ATOSA: variants seen among roughly 807,000 people sequenced by gnomAD.
ATOSA encodes the protein atos homolog A.
the ATOSA span, among the ~76,000 whole-genome samples, chr15:52,693,537 T>C: frequency 6.6e-6 from 1 of 152,160 alleles, no homozygotes; most frequent in Admixed American, 6.5e-5. Context: ...CAACACTGGG[T>C]AGAAAATGTT....
chr15:52,644,044 TAA>T, the ATOSA span, among the ~76,000 whole-genome samples: 1 of 152,230 alleles, frequency 6.6e-6, no homozygotes, highest in African/African-American at 2.4e-5. Flanking sequence ...ATATATCTGT[TAA>T]GTTTATTCAA....
chr15:52,604,928 CTAAT>C, the ATOSA span, among the ~76,000 whole-genome samples: 2 of 151,904 alleles, frequency 1.3e-5, no homozygotes, highest in Non-Finnish European at 2.9e-5. Flanking sequence ...AATTTTATAA[CTAAT>C]AAATTTCATT....
the ATOSA span, among the ~76,000 whole-genome samples, chr15:52,618,828 G>A: frequency 6.6e-6 from 1 of 152,018 alleles, no homozygotes; most frequent in Non-Finnish European, 1.5e-5. Flanking sequence ...GGGATTACAG[G>A]TGTGAGCCAC....
the ATOSA span, among the ~76,000 whole-genome samples, chr15:52,640,078 TA>T: frequency 1.3e-5 from 2 of 151,994 alleles, no homozygotes; most frequent in Non-Finnish European, 2.9e-5. Context: ...TTTTCCTATT[TA>T]ATCTTCATAA....
the ATOSA span, among the ~76,000 whole-genome samples, chr15:52,619,229 T>C: frequency 4.1e-4 from 62 of 152,326 alleles, 1 homozygote; most frequent in East Asian, 6.4e-3. Flanking sequence ...AACAGTTACA[T>C]TGTTATAGAT....
chr15:52,679,756 C>CG, the ATOSA span, among the ~76,000 whole-genome samples: 6 of 6,442 alleles, frequency 9.3e-4, no homozygotes, highest in South Asian at 8.8e-3. Context: ...TAGTCGTCGT[C>CG]TCCTCCTCCT....
chr15:52,629,523 GC>G, the ATOSA span: 1 of 178,888 alleles, frequency 5.6e-6, no homozygotes, highest in Non-Finnish European at 1.1e-5. Flanking sequence ...AAAAAAAAAG[GC>G]CAGGCATCGT....
the ATOSA span, among the ~76,000 whole-genome samples, chr15:52,648,032 C>T: frequency 6.6e-6 from 1 of 152,072 alleles, no homozygotes; most frequent in Non-Finnish European, 1.5e-5. Flanking sequence ...AGGGAAAGGT[C>T]TAAAAAACTA....
the ATOSA span, among the ~76,000 whole-genome samples, chr15:52,667,652 C>T: frequency 6.6e-6 from 1 of 152,108 alleles, no homozygotes; most frequent in Non-Finnish European, 1.5e-5. Flanking sequence ...TTTCAAGTAA[C>T]CAACTAGGTG....
chr15:52,664,888 T>C, the ATOSA span, among the ~76,000 whole-genome samples: 1 of 151,676 alleles, frequency 6.6e-6, no homozygotes, highest in African/African-American at 2.4e-5. Context: ...TAGTGACCTA[T>C]GATCATGCCA....
the ATOSA span, among the ~76,000 whole-genome samples, chr15:52,607,852 A>G: frequency 1.3e-5 from 2 of 152,040 alleles, no homozygotes; most frequent in African/African-American, 4.8e-5. Context: ...TAAAAAGCTG[A>G]GTGCTTCTGT....
the ATOSA span, among the ~76,000 whole-genome samples, chr15:52,708,037 C>T: frequency 1.4e-4 from 22 of 152,116 alleles, no homozygotes; most frequent in African/African-American, 3.9e-4. Context: ...GATGGTTTTC[C>T]GGGACTTCAG....
the ATOSA span, among the ~76,000 whole-genome samples, chr15:52,637,587 C>A: frequency 1.3e-5 from 2 of 152,314 alleles, no homozygotes; most frequent in Middle Eastern, 3.4e-3. Context: ...TTTCACTGGT[C>A]TCTCTGCATC....
the ATOSA span, among the ~76,000 whole-genome samples, chr15:52,705,459 C>G: frequency 6.6e-6 from 1 of 151,910 alleles, no homozygotes; most frequent in East Asian, 1.9e-4. Flanking sequence ...ACCTATGTAA[C>G]AAACCTGCAC....
chr15:52,642,193 G>A, the ATOSA span, among the ~76,000 whole-genome samples: 1 of 152,178 alleles, frequency 6.6e-6, no homozygotes, highest in African/African-American at 2.4e-5. Flanking sequence ...TTAAAGATCA[G>A]CATTTATAGC....
the ATOSA span, among the ~76,000 whole-genome samples, chr15:52,628,727 T>G: frequency 6.6e-6 from 1 of 152,218 alleles, no homozygotes; most frequent in African/African-American, 2.4e-5. Context: ...GAAATGAATA[T>G]GTCATGTGAT....
chr15:52,585,044 G>A, the ATOSA span: 1 of 888,268 alleles, frequency 1.1e-6, no homozygotes, highest in African/African-American at 1.7e-5. Flanking sequence ...AAACAACAAG[G>A]TAATACCACT....
the ATOSA span, among the ~76,000 whole-genome samples, chr15:52,671,481 T>G: frequency 1.2e-4 from 18 of 152,312 alleles, no homozygotes; most frequent in African/African-American, 4.1e-4. Flanking sequence ...ACCTACCATG[T>G]ACAAGACTGC....
chr15:52,593,485 G>T, the ATOSA span: 4 of 1,218,218 alleles, frequency 3.3e-6, no homozygotes, highest in Admixed American at 2.9e-5. Context: ...GTTAGGAAAT[G>T]ATTTATATTT....
Sources: gnomAD v4.1 joint callset for allele counts (sites outside exome capture counted in the v4.1 genomes callset) on GRCh38, gnomAD v4.1.1 for gene constraint, MANE v1.5 for transcripts, NCBI Gene and HGNC (gene_info 2026-07-23, HGNC 2026-07-21) for gene names.